TMEFF2: variants seen among roughly 807,000 people sequenced by gnomAD.
The protein encoded by TMEFF2 is transmembrane protein with EGF like and two follistatin like domains 2, also known as tomoregulin-2.
A neutral mutation model predicts 53.8 loss-of-function variants in TMEFF2; 28 were observed. The observed-to-expected ratio is 0.52, with a 90% CI of 0.39 to 0.71. The LOEUF (loss-of-function observed/expected upper bound fraction) is 0.71. TMEFF2 is among the 30% of genes least tolerant of loss of function. The probability of loss-of-function intolerance (pLI) is 0.00; values close to 1 mark genes in which losing one functional copy is unlikely to be tolerated. For missense variants in TMEFF2, 353 were observed against 455.2 expected, an observed-to-expected ratio of 0.78 and a Z score of 2.04; for synonymous variants, 162 against 166.3, an observed-to-expected ratio of 0.97 and a Z score of 0.20.
intron 5 of TMEFF2, among the ~76,000 whole-genome samples, chr2:192,048,361 A>ACACACACACACACACACAC (rs1687676470): frequency 1.4e-4 from 20 of 143,166 alleles, no homozygotes; most frequent in African/African-American, 5.0e-4. Flanking sequence ...ATTCTCATAA[A>ACACACACACACACACACAC]ACACACACAC....
chr2:192,137,279 A>T (rs76808483), intron 4 of TMEFF2, among the ~76,000 whole-genome samples: 2,386 of 152,250 alleles, frequency 0.016, 80 homozygotes, highest in African/African-American at 0.054. Flanking sequence ...AGATTTTAAC[A>T]GGGGAAGTGA....
chr2:192,073,123 AGTGATTTCT>A (rs1688329301), intron 4 of TMEFF2, among the ~76,000 whole-genome samples: 1 of 151,996 alleles, frequency 6.6e-6, no homozygotes, highest in Non-Finnish European at 1.5e-5. Flanking sequence ...TGGTTGAGGT[AGTGATTTCT>A]GTGTATATAG....
intron 4 of TMEFF2, among the ~76,000 whole-genome samples, chr2:192,127,379 T>C (rs771191984): frequency 6.6e-6 from 1 of 152,230 alleles, no homozygotes; most frequent in Admixed American, 6.5e-5. Context: ...GAACACTCAA[T>C]GGTGTTAGAA....
chr2:192,177,446 A>C (rs1280884236), intron 4 of TMEFF2: 1 of 151,156 alleles, frequency 6.6e-6, no homozygotes, highest in Admixed American at 6.6e-5. Context: ...CCAAAGTAAC[A>C]TGTAGACTAG....
intron 4 of TMEFF2, among the ~76,000 whole-genome samples, chr2:192,080,723 T>C (rs911048996): frequency 1.1e-4 from 16 of 152,176 alleles, no homozygotes; most frequent in African/African-American, 3.9e-4. Context: ...TTGAACTATA[T>C]AGAGTAATCT....
intron 4 of TMEFF2, among the ~76,000 whole-genome samples, chr2:192,118,687 T>A (rs1010709728): frequency 3.3e-5 from 5 of 152,168 alleles, no homozygotes; most frequent in African/African-American, 1.2e-4. Flanking sequence ...ACAAGACAAA[T>A]TCCTTGAAGA....
At chr2:191,973,741 G>A (rs995815665) in intron 7 of TMEFF2, among the ~76,000 whole-genome samples, 2 of 152,270 alleles carry the variant, frequency 1.3e-5, no homozygotes, top group East Asian at 3.9e-4. Context: ...ATCCCCACAT[G>A]TCACAGGAGG....
chr2:192,059,018 C>G (rs546400721), intron 4 of TMEFF2, among the ~76,000 whole-genome samples: 5 of 151,766 alleles, frequency 3.3e-5, no homozygotes, highest in African/African-American at 1.2e-4. Context: ...AATCAAAGAT[C>G]TTTAGTTTTC....
At chr2:192,156,046 C>T (rs1690499894) in intron 4 of TMEFF2, among the ~76,000 whole-genome samples, 1 of 150,572 alleles carries the variant, frequency 6.6e-6, no homozygotes, top group African/African-American at 2.4e-5. Flanking sequence ...GAGGTTTCAA[C>T]GTCATTGAAT....
Position 192,101,343 on chromosome 2 carries a change from T to C in TMEFF2, c.440-43568A>G, listed in dbSNP as rs1034266225. 2.6e-5 allele frequency among the ~76,000 whole-genome samples: 4 copies of C among 152,188 alleles called. No homozygotes were observed. The East Asian group carries it at 7.7e-4, about 29-fold the overall frequency. ...CATGTGCAGAGGCAATTGAAGAATA[T>C]ATAGCCAAAAATGGATTAAAAAATG... On this transcript the variant is annotated intron_variant, in intron 4 of 9. Coordinates refer to ENST00000272771, the MANE Select transcript of TMEFF2 (RefSeq NM_016192.4).
intron 7 of TMEFF2, among the ~76,000 whole-genome samples, chr2:191,957,944 CTCT>C (rs1216298958): frequency 6.6e-6 from 1 of 152,206 alleles, no homozygotes; most frequent in East Asian, 1.9e-4. Context: ...GGTTTCTTCC[CTCT>C]TCTTTGAAGT....
At chr2:192,101,372 A>G (rs1689027956) in intron 4 of TMEFF2, among the ~76,000 whole-genome samples, 1 of 152,184 alleles carries the variant, frequency 6.6e-6, no homozygotes, top group Non-Finnish European at 1.5e-5. Context: ...AAAAATGAAA[A>G]AAACTCTAGA....
intron 4 of TMEFF2, among the ~76,000 whole-genome samples, chr2:192,087,131 G>A (rs1213864993): frequency 1.3e-5 from 2 of 151,530 alleles, no homozygotes; most frequent in Non-Finnish European, 2.9e-5. Context: ...GGAGCTCCAG[G>A]AAAAAAATCC....
At chr2:192,051,026 C>G (rs1687757106) in intron 5 of TMEFF2, among the ~76,000 whole-genome samples, 1 of 151,978 alleles carries the variant, frequency 6.6e-6, no homozygotes, top group African/African-American at 2.4e-5. Context: ...TCTTCAGTTC[C>G]CACTCATTGA....
chr2:192,153,231 A>G (rs1300807616), intron 4 of TMEFF2, among the ~76,000 whole-genome samples: 2 of 151,816 alleles, frequency 1.3e-5, no homozygotes, highest in Non-Finnish European at 2.9e-5. Flanking sequence ...ATTTTTCTAT[A>G]CTTTTTAATA....
At chr2:191,996,748 A>AT (rs955694087) in intron 7 of TMEFF2, among the ~76,000 whole-genome samples, 2 of 151,618 alleles carry the variant, frequency 1.3e-5, no homozygotes, top group East Asian at 1.9e-4. Context: ...AAAATTGTTG[A>AT]TTTTTTTTCA....
chr2:192,106,114 T>C (rs1471022664), intron 4 of TMEFF2, among the ~76,000 whole-genome samples: 1 of 151,658 alleles, frequency 6.6e-6, no homozygotes, highest in Non-Finnish European at 1.5e-5. Flanking sequence ...TTAAATACAG[T>C]AAAAAATTAG....
chr2:192,077,671 T>C (rs1688463319), intron 4 of TMEFF2, among the ~76,000 whole-genome samples: 1 of 152,072 alleles, frequency 6.6e-6, no homozygotes, highest in African/African-American at 2.4e-5. Flanking sequence ...TATATAATAA[T>C]GTCTGAGTGG....
rs1691826109 is a variant in TMEFF2, at chr2:191,950,128, T to C, written c.*183A>G. 6.6e-6 allele frequency: 9 copies of C among 1,366,782 alleles called. No individual in the cohort carries two copies. The highest frequency in any genetic ancestry group is 7.5e-6 in the Non-Finnish European group (8 of 1,060,616). 84.7% of individuals were successfully genotyped at this position (1,366,782 alleles called of 1,614,324 possible). A position where few individuals can be genotyped will look rare whatever the true frequency, so the allele number is the denominator to read the frequency against. On this transcript the variant is annotated 3_prime_UTR_variant, in exon 10 of 10. Transcript: ENST00000272771. ...CATTACAGAAAAAACATCAAGACAATGTATACTATTTCAAATATATCCATA... is the reference window on the plus strand; with the variant it reads ...CATTACAGAAAAAACATCAAGACAACGTATACTATTTCAAATATATCCATA...
Sources: allele counts gnomAD v4.1 joint callset (sites outside exome capture counted in the v4.1 genomes callset), GRCh38; gene constraint gnomAD v4.1.1; transcripts MANE v1.5; gene names NCBI Gene and HGNC (gene_info 2026-07-23, HGNC 2026-07-21).